Variants in FAM53A observed in about 807,000 individuals in gnomAD.
The protein encoded by FAM53A is protein FAM53A.
Under a neutral mutation model 26.6 loss-of-function variants are expected in FAM53A, and 28 were observed. The observed-to-expected ratio is 1.05, with a 90% CI of 0.78 to 1.45. FAM53A has a LOEUF of 1.45. Among genes scored for constraint, FAM53A ranks in the 40% most tolerant of loss-of-function variants. The pLI is 0.00. For missense variants in FAM53A, 650 were observed against 575.8 expected (o/e 1.13, Z -1.32); for synonymous variants, 290 against 253.1 (o/e 1.15, Z -1.38).
chr4:1,625,933 G>C (rs1430537487), intron 1 of FAM53A, among the ~76,000 whole-genome samples: 1 of 152,222 alleles, frequency 6.6e-6, no homozygotes, highest in African/African-American at 2.4e-5. Context: ...TCAGCGGGTG[G>C]GATCTGGGCT....
the FAM53A span, among the ~76,000 whole-genome samples, chr4:1,604,858 C>T: frequency 1.3e-4 from 20 of 152,164 alleles, no homozygotes; most frequent in African/African-American, 4.8e-4. Flanking sequence ...TCCCCCAGTG[C>T]TCTGCCCCGC....
downstream of FAM53A, among the ~76,000 whole-genome samples, chr4:1,617,117 G>C (rs1055698816): frequency 1.3e-5 from 1 of 75,592 alleles, no homozygotes. Context: ...AGGCAACAGA[G>C]GGAGACTCCA....
At chr4:1,666,849 G>A (rs1714271880) in intron 2 of FAM53A, among the ~76,000 whole-genome samples, 1 of 152,188 alleles carries the variant, frequency 6.6e-6, no homozygotes, top group African/African-American at 2.4e-5. Flanking sequence ...CAAAATTTAG[G>A]CTGGGTGTGG....
At chr4:1,666,149 C>A (rs1293003769) in intron 2 of FAM53A, among the ~76,000 whole-genome samples, 23 of 133,214 alleles carry the variant, frequency 1.7e-4, no homozygotes, top group Non-Finnish European at 2.7e-4. Context: ...AAAACCTGCA[C>A]CTGCACCCCC....
intron 4 of FAM53A, among the ~76,000 whole-genome samples, chr4:1,648,681 G>A (rs1170726623): frequency 6.6e-6 from 1 of 152,190 alleles, no homozygotes; most frequent in East Asian, 1.9e-4. Context: ...CACACTTCAG[G>A]GCGGGCAGGT....
chr4:1,652,731 G>A (rs1712970990), intron 4 of FAM53A, among the ~76,000 whole-genome samples: 1 of 114,356 alleles, frequency 8.7e-6, no homozygotes, highest in Admixed American at 9.1e-5. Flanking sequence ...CACTACCAGA[G>A]ACCACACACT....
In FAM53A at chr4:1,646,331, CCTCATGAT is replaced by C. The variant is rs373115729; in HGVS notation, c.883-4732_883-4725del. On this transcript the variant is annotated intron_variant, in intron 4 of 4. Transcript: ENST00000308132. Reference sequence around the variant, plus strand: ...AGCCAGGATGGTCTCGATCTCCTGACCTCATGATCTGCCCACCTCGGCCTCCCAAAGTG... The same window carrying C: ...AGCCAGGATGGTCTCGATCTCCTGACCTGCCCACCTCGGCCTCCCAAAGTG... 7.2e-3 allele frequency among the ~76,000 whole-genome samples: 1,093 copies of C among 152,260 alleles called. 10 individuals carry two copies. The highest frequency in any genetic ancestry group is 0.024 in the African/African-American group (989 of 41,540).
At chr4:1,588,543 C>T in the FAM53A span, among the ~76,000 whole-genome samples, 38 of 152,266 alleles carry the variant, frequency 2.5e-4, 1 homozygote, top group African/African-American at 7.9e-4. Context: ...CATCCAAGTA[C>T]GGGCAGGTCC....
chr4:1,635,430 C>T (rs777023751), downstream of FAM53A, among the ~76,000 whole-genome samples: 4 of 152,148 alleles, frequency 2.6e-5, no homozygotes, highest in Admixed American at 1.3e-4. Flanking sequence ...TGAGCCACCA[C>T]ACCCAACTAA....
At chr4:1,681,250 C>T (rs1461099998) in intron 1 of FAM53A, among the ~76,000 whole-genome samples, 1 of 152,126 alleles carries the variant, frequency 6.6e-6, no homozygotes, top group Admixed American at 6.6e-5. Context: ...GCACCCGCCA[C>T]CACATCCAGC....
chr4:1,682,233 C>T (rs1454602820), intron 1 of FAM53A, among the ~76,000 whole-genome samples: 3 of 150,650 alleles, frequency 2.0e-5, no homozygotes, highest in Non-Finnish European at 4.4e-5. Context: ...CAGAAAATGC[C>T]AAAAGAGTTT....
intron 1 of FAM53A, among the ~76,000 whole-genome samples, chr4:1,674,036 C>T (rs773361723): frequency 2.0e-5 from 3 of 152,218 alleles, no homozygotes; most frequent in African/African-American, 4.8e-5. Flanking sequence ...CCAGCAGGGC[C>T]GTTATAACAA....
chr4:1,654,532 A>T (rs749631069), intron 4 of FAM53A, among the ~76,000 whole-genome samples: 1 of 152,228 alleles, frequency 6.6e-6, no homozygotes, highest in Non-Finnish European at 1.5e-5. Flanking sequence ...CAACATGCAC[A>T]CCCACCAGCT....
At chr4:1,631,121 C>T (rs575678003) in intron 1 of FAM53A, among the ~76,000 whole-genome samples, 175 of 152,296 alleles carry the variant, frequency 1.1e-3, no homozygotes, top group African/African-American at 4.0e-3. Flanking sequence ...TATTATAACA[C>T]TTTAGAGGAG....
chr4:1,596,140 A>T, the FAM53A span, among the ~76,000 whole-genome samples: 2 of 152,138 alleles, frequency 1.3e-5, no homozygotes. Flanking sequence ...CTCCAAGGCC[A>T]CTACCAGGCC....
chr4:1,668,320 A>G (rs901886669), intron 2 of FAM53A, among the ~76,000 whole-genome samples: 2 of 152,170 alleles, frequency 1.3e-5, no homozygotes, highest in African/African-American at 2.4e-5. Context: ...TTGTATTTTT[A>G]GTAGAGACGG....
chr4:1,603,886 C>T, the FAM53A span, among the ~76,000 whole-genome samples: 1 of 152,228 alleles, frequency 6.6e-6, no homozygotes, highest in South Asian at 2.1e-4. Flanking sequence ...GCGATTGCTG[C>T]AGGCCTGACA....
At chr4:1,603,934 C>T in the FAM53A span, among the ~76,000 whole-genome samples, 2 of 152,176 alleles carry the variant, frequency 1.3e-5, no homozygotes, top group African/African-American at 4.8e-5. Context: ...AGGGCCAAGG[C>T]CACCTTGGGC....
chr4:1,583,168 C>G, the FAM53A span, among the ~76,000 whole-genome samples: 1 of 152,150 alleles, frequency 6.6e-6, no homozygotes, highest in Non-Finnish European at 1.5e-5. Context: ...GTGCCAGAGA[C>G]CCAGCAAAAT....
Sources: allele counts gnomAD v4.1 joint callset (sites outside exome capture counted in the v4.1 genomes callset), GRCh38; gene constraint gnomAD v4.1.1; transcripts MANE v1.5; gene names NCBI Gene and HGNC (gene_info 2026-07-23, HGNC 2026-07-21).